KHDRBS1: variants seen among roughly 807,000 people sequenced by gnomAD.
KHDRBS1 encodes KH domain-containing, RNA-binding, signal transduction-associated protein 1.
A neutral mutation model predicts 48.4 loss-of-function variants in KHDRBS1; 7 were observed. That is an observed-to-expected ratio of 0.14 (90% CI 0.08 to 0.27). KHDRBS1 has a LOEUF of 0.27. KHDRBS1 is among the 10% of genes least tolerant of loss of function. The probability of loss-of-function intolerance (pLI) is 1.00; values close to 1 mark genes in which losing one functional copy is unlikely to be tolerated. For synonymous variants in KHDRBS1, 241 were observed against 235.8 expected (o/e 1.02, Z -0.20); for missense variants, 458 against 601.2 (o/e 0.76, Z 2.49).
intron 1 of KHDRBS1, among the ~76,000 whole-genome samples, chr1:32,018,618 G>A (rs1448718521): frequency 1.3e-5 from 2 of 152,106 alleles, no homozygotes; most frequent in Non-Finnish European, 2.9e-5. Context: ...TTAGCCGGGC[G>A]CAGTGGCGGG....
At chr1:32,019,604 G>A (rs1205359016) in intron 1 of KHDRBS1, among the ~76,000 whole-genome samples, 1 of 152,134 alleles carries the variant, frequency 6.6e-6, no homozygotes, top group Non-Finnish European at 1.5e-5. Context: ...AACTATAGCT[G>A]CAGGCAACAA....
chr1:32,060,240 A>G (rs1639528173), exon 11 of KHDRBS1: 2 of 152,280 alleles, frequency 1.3e-5, no homozygotes, highest in Non-Finnish European at 2.9e-5. Context: ...GAACACAGAG[A>G]AACCCAGGAG....
intron 7 of KHDRBS1, 76 bp downstream of exon 7, chr1:32,038,695 A>G: frequency 3.6e-6 from 5 of 1,398,216 alleles, no homozygotes; most frequent in Non-Finnish European, 5.1e-6. Context: ...AGAGATTTAG[A>G]CAGTACAACC....
downstream of KHDRBS1, among the ~76,000 whole-genome samples, chr1:32,046,485 G>C (rs968549696): frequency 2.0e-5 from 3 of 152,236 alleles, no homozygotes; most frequent in African/African-American, 7.2e-5. Context: ...AAAGTGCTGA[G>C]ATTACAGGCG....
chr1:32,013,891 G>A lies in KHDRBS1; in HGVS notation c.-105G>A. On this transcript the variant is annotated 5_prime_UTR_variant, in exon 1 of 9. Transcript: ENST00000327300. ...CTCTCTCGCTGGGTCGCTCGGGTCG[G>A]CTTCGGTCGCTACCGCTCCCGCTCT... The A allele has an allele frequency of 8.7e-7, 1 of 1,144,700 alleles. No homozygotes were observed. The highest frequency in any genetic ancestry group is 4.2e-5 in the Admixed American group (1 of 23,686). The allele number at this position is 1,144,700 out of a possible 1,614,324, so 70.9% of individuals were successfully genotyped here.
At chr1:32,038,824 G>T (rs1029646459) in intron 7 of KHDRBS1, among the ~76,000 whole-genome samples, 4 of 152,126 alleles carry the variant, frequency 2.6e-5, no homozygotes, top group Non-Finnish European at 5.9e-5. Context: ...CTAGTAGCTG[G>T]GGTTACAGGT....
Position 32,040,834 on chromosome 1 carries a change from T to C in KHDRBS1, c.1234+1261T>C, listed in dbSNP as rs1460354266. On this transcript the variant is annotated intron_variant, in intron 8 of 8. Transcript: ENST00000327300. ...CCCTAGCTGAAAAAGAGGAGCCCCT[T>C]AGGGCCTCCCAGAGACAGACAAGCT... Among the ~76,000 whole-genome samples the C allele has an allele frequency of 7.2e-5, 11 of 152,264 alleles. No homozygotes were observed. In the South Asian group the frequency reaches 2.1e-3, roughly 29 times the overall value.
chr1:32,049,204 C>T (rs951849450), intron 10 of KHDRBS1, among the ~76,000 whole-genome samples: 14 of 151,808 alleles, frequency 9.2e-5, no homozygotes, highest in African/African-American at 2.9e-4. Context: ...TATAGGCACG[C>T]GCCTCCATGC....
chr1:32,032,322 C>T (rs987254345), intron 3 of KHDRBS1, among the ~76,000 whole-genome samples: 1 of 152,144 alleles, frequency 6.6e-6, no homozygotes, highest in African/African-American at 2.4e-5. Flanking sequence ...TTTATGTAGT[C>T]TAATGGACAC....
intron 1 of KHDRBS1, among the ~76,000 whole-genome samples, chr1:32,021,882 C>T (rs1018557685): frequency 2.0e-5 from 3 of 151,690 alleles, no homozygotes; most frequent in South Asian, 2.1e-4. Flanking sequence ...AACTTCTGAC[C>T]TCAGGTTATC....
At chr1:32,020,210 T>C (rs916985577) in intron 1 of KHDRBS1, among the ~76,000 whole-genome samples, 26 of 151,688 alleles carry the variant, frequency 1.7e-4, no homozygotes, top group African/African-American at 5.8e-4. Context: ...TAGTGAGAGC[T>C]TGTCTCTACA....
chr1:32,028,524 A>G (rs1639019641), intron 1 of KHDRBS1, among the ~76,000 whole-genome samples: 1 of 127,942 alleles, frequency 7.8e-6, no homozygotes, highest in South Asian at 2.4e-4. Flanking sequence ...TTTTTTTGAG[A>G]CAGAGTCTCG....
In KHDRBS1 at chr1:32,043,466, T is replaced by C. The variant is rs1432920769; in HGVS notation, c.*842T>C. ...AGTTTGATGCAGAGCTTTTTAGCCA[T>C]GAAGAATCTTTCAGTCATAGTACTA... is the stretch of plus-strand genomic sequence containing the variant. On this transcript the variant is annotated 3_prime_UTR_variant, in exon 9 of 9. Coordinates refer to ENST00000327300, the MANE Select transcript of KHDRBS1 (RefSeq NM_006559.3). 5 of 152,558 alleles carry C rather than the reference T, an allele frequency of 3.3e-5. No homozygotes were observed. The highest frequency in any genetic ancestry group is 1.2e-4 in the African/African-American group (5 of 41,402). The allele number at this position is 152,558 out of a possible 1,614,324, so 9.5% of individuals were successfully genotyped here.
chr1:32,017,628 A>C (rs1165941824), intron 1 of KHDRBS1, among the ~76,000 whole-genome samples: 2 of 76,040 alleles, frequency 2.6e-5, no homozygotes, highest in African/African-American at 1.1e-4. Flanking sequence ...TTTTTTTGAG[A>C]CGGAGTTGCA....
chr1:32,018,710 T>TTG (rs1399408188), intron 1 of KHDRBS1, among the ~76,000 whole-genome samples: 5 of 151,072 alleles, frequency 3.3e-5, no homozygotes, highest in Admixed American at 6.6e-5. Context: ...TGAGCCGAGA[T>TTG]CGCGCCACTG....
rs765724093 is a variant in KHDRBS1 at position 32,038,008 on chromosome 1, C to A, written c.1079C>A (p.Pro360His). The change falls in exon 6 of 9, where the codon CCT (proline) becomes CAT (histidine). Residue 360 changes from proline to histidine, a missense_variant. Coordinates refer to ENST00000327300, the MANE Select transcript of KHDRBS1 (RefSeq NM_006559.3). ...ATCCAGAGGATACCTTTGCCTCCACCTCCTGCACCAGAAACATATGAAGAA... is the reference window on the plus strand; with the variant it reads ...ATCCAGAGGATACCTTTGCCTCCACATCCTGCACCAGAAACATATGAAGAA... Reference protein sequence around the residue: ...AGIQRIPLPPPPAPETYEEYG... With the variant: ...AGIQRIPLPPHPAPETYEEYG... 30 of 1,614,214 alleles carry A rather than the reference C, an allele frequency of 1.9e-5. No individual in the cohort carries two copies. In the South Asian group the frequency reaches 3.2e-4, roughly 17 times the overall value.
chr1:32,023,070 CTT>C (rs948852140), intron 1 of KHDRBS1, among the ~76,000 whole-genome samples: 7 of 151,970 alleles, frequency 4.6e-5, no homozygotes, highest in Admixed American at 3.9e-4. Flanking sequence ...TTAACATTCT[CTT>C]TTAAAGTCAT....
chr1:32,018,462 A>G (rs1638787724), intron 1 of KHDRBS1, among the ~76,000 whole-genome samples: 1 of 148,198 alleles, frequency 6.7e-6, no homozygotes, highest in African/African-American at 2.5e-5. Flanking sequence ...CTCCGTCTCA[A>G]AAAAGCAAAC....
In KHDRBS1 at chr1:32,014,211, G is replaced by A. The variant is rs1397190329; in HGVS notation, c.216G>A (p.Thr72=). ...CACCGCTGCTGCCGCCCTCGGCCAC[G>A]GGTCCCGACGCGACAGTGGGCGGGC... ...QPPPLLPPSA[T]GPDATVGGPA... Residue 72 remains threonine (T), a synonymous_variant, in exon 1 of 9, where the codon ACG becomes ACA. Coordinates refer to ENST00000327300, the MANE Select transcript of KHDRBS1 (RefSeq NM_006559.3). 9.2e-6 allele frequency: 13 copies of A among 1,409,922 alleles called. No individual in the cohort carries two copies. The East Asian group carries it at 1.5e-4, about 17-fold the overall frequency. 87.3% of individuals were successfully genotyped at this position (1,409,922 alleles called of 1,614,324 possible). A position where few individuals can be genotyped will look rare whatever the true frequency, so the allele number is the denominator to read the frequency against.
Sources: gnomAD v4.1 joint callset for allele counts (sites outside exome capture counted in the v4.1 genomes callset) on GRCh38, gnomAD v4.1.1 for gene constraint, MANE v1.5 for transcripts, NCBI Gene and HGNC (gene_info 2026-07-23, HGNC 2026-07-21) for gene names.